The following MACF1 variants were observed in gnomAD, a reference collection of about 807,000 sequenced individuals.
MACF1 encodes microtubule actin crosslinking factor 1.
Under a neutral mutation model 854.8 loss-of-function variants are expected in MACF1, and 193 were observed. The ratio of observed to expected loss-of-function variants is 0.23; its 90% CI spans 0.20 to 0.25. The LOEUF is 0.25. MACF1 is among the 10% of genes least tolerant of loss of function. The probability of loss-of-function intolerance (pLI) is 1.00; values close to 1 mark genes in which losing one functional copy is unlikely to be tolerated. For missense variants in MACF1, 7,722 were observed against 8,929.1 expected, an observed-to-expected ratio of 0.86 and a Z score of 5.45; for synonymous variants, 3,185 against 3,226.7, an observed-to-expected ratio of 0.99 and a Z score of 0.44.
At chr1:39,114,207 C>CTTTTTTT (rs1642489965) in intron 2 of MACF1, among the ~76,000 whole-genome samples, 1 of 143,422 alleles carries the variant, frequency 7.0e-6, no homozygotes. Flanking sequence ...TTACAATTTT[C>CTTTTTTT]CACATTAATA....
At chr1:39,432,263 G>A (rs1269180321) in intron 66 of MACF1, among the ~76,000 whole-genome samples, 1 of 152,060 alleles carries the variant, frequency 6.6e-6, no homozygotes, top group Non-Finnish European at 1.5e-5. Flanking sequence ...CTGATTAGAG[G>A]CATCTTTCTT....
At chr1:39,325,679 A>G (rs1294010655) in intron 35 of MACF1, among the ~76,000 whole-genome samples, 1 of 152,148 alleles carries the variant, frequency 6.6e-6, no homozygotes, top group Non-Finnish European at 1.5e-5. Context: ...GGAAATTGGG[A>G]CCACCTTTTT....
chr1:39,244,858 C>T (rs942754057), intron 2 of MACF1, among the ~76,000 whole-genome samples: 6 of 152,096 alleles, frequency 3.9e-5, no homozygotes, highest in Admixed American at 1.3e-4. Context: ...GGATTACAGG[C>T]GTGAGCCACC....
At chr1:39,359,526 C>T (rs2148515003) in intron 47 of MACF1, among the ~76,000 whole-genome samples, 1 of 152,264 alleles carries the variant, frequency 6.6e-6, no homozygotes, top group Admixed American at 6.5e-5. Flanking sequence ...TTTTCTTTCC[C>T]AAGTAAACCA....
intron 2 of MACF1, among the ~76,000 whole-genome samples, chr1:39,190,348 T>C (rs1644235783): frequency 6.6e-6 from 1 of 150,586 alleles, no homozygotes; most frequent in South Asian, 2.1e-4. Context: ...TCTTGTCTTT[T>C]CTTTCTTTCT....
chr1:39,182,349 A>G (rs1181848730), intron 2 of MACF1, among the ~76,000 whole-genome samples: 1 of 152,116 alleles, frequency 6.6e-6, no homozygotes, highest in Non-Finnish European at 1.5e-5. Flanking sequence ...AAAGAAAAAA[A>G]TAGAGAAATT....
chr1:39,216,948 C>A (rs1050383720), intron 1 of MACF1, among the ~76,000 whole-genome samples: 1 of 152,290 alleles, frequency 6.6e-6, no homozygotes, highest in Admixed American at 6.5e-5. Context: ...ACTGTCTACA[C>A]GGGGTTCCTA....
intron 1 of MACF1, among the ~76,000 whole-genome samples, chr1:39,212,899 T>TATA (rs1644533200): frequency 1.3e-5 from 2 of 152,250 alleles, no homozygotes; most frequent in African/African-American, 4.8e-5. Context: ...GTGCTGGCAT[T>TATA]ATAGGCGTAA....
intron 15 of MACF1, 87 bp downstream of exon 15, chr1:39,287,649 C>G: frequency 3.6e-6 from 5 of 1,389,628 alleles, no homozygotes; most frequent in Non-Finnish European, 3.0e-6. Flanking sequence ...GCTTTGTGTT[C>G]CCTGTGCAGA....
intron 94 of MACF1, 96 bp downstream of exon 94, chr1:39,463,782 C>T (rs1348349183): frequency 9.3e-6 from 10 of 1,074,372 alleles, no homozygotes; most frequent in Non-Finnish European, 1.1e-5. Context: ...CAGAGCCCAT[C>T]GGACTTGAGA....
intron 6 of MACF1, among the ~76,000 whole-genome samples, chr1:39,268,086 T>A (rs1645254889): frequency 6.6e-6 from 1 of 152,228 alleles, no homozygotes; most frequent in Non-Finnish European, 1.5e-5. Flanking sequence ...TATTTCATTT[T>A]GTAGTTTGGG....
chr1:39,442,194 T>C lies in MACF1; in HGVS notation c.18822T>C (p.Leu6274=). The C allele has an allele frequency of 6.2e-7, 1 of 1,602,968 alleles. No homozygotes were observed. Among genetic ancestry groups the C allele is most frequent in the Non-Finnish European group, 8.5e-7 (1 of 1,176,528 alleles). The change falls in exon 76 of 101, where the codon CTT becomes CTC. Residue 6274 remains leucine, a synonymous_variant. Transcript: ENST00000564288. Reference sequence around the variant, plus strand: ...AACAGCAAATTGAGATGGAGAAGCTTAATCACCAGGGTGAACTGATGTTAA... The same window carrying C: ...AACAGCAAATTGAGATGGAGAAGCTCAATCACCAGGGTGAACTGATGTTAA... ...VYQQQIEMEK[L]NHQGELMLKK... is the part of the protein sequence containing the mutation.
At chr1:39,313,002 G>T (rs1039290382) in intron 26 of MACF1, among the ~76,000 whole-genome samples, 3 of 152,190 alleles carry the variant, frequency 2.0e-5, no homozygotes, top group Non-Finnish European at 4.4e-5. Flanking sequence ...GCATTTGGTT[G>T]CTGTGTATCT....
Position 39,387,544 on chromosome 1 carries a change from G to A in MACF1, c.14702G>A (p.Cys4901Tyr). ...GACAGACAATCCAGGCTCAAGGATT[G>A]TATGCAGAAAGCTCAGAAATATCAG... ...TADRQSRLKD[C>Y]MQKAQKYQWH... is the part of the protein sequence containing the mutation. Residue 4901 changes from cysteine to tyrosine, a missense_variant, in exon 58 of 101, where the codon TGT becomes TAT. Transcript: ENST00000564288. The A allele has an allele frequency of 1.9e-6, 3 of 1,614,140 alleles. No individual in the cohort carries two copies. Among genetic ancestry groups the A allele is most frequent in the Middle Eastern group, 1.6e-4 (1 of 6,062 alleles).
chr1:39,295,165 A>T lies in MACF1; in HGVS notation c.2259+15A>T. On this transcript the variant is annotated intron_variant, in intron 19 of 100. Coordinates refer to ENST00000564288, the MANE Select transcript of MACF1 (RefSeq NM_001394062.1). ...AGACAGTGGAGGTGTGTGACTTGAG[A>T]ATGTGTGAAGGTCAAATGCTGAGAG... The T allele has an allele frequency of 6.3e-7, 1 of 1,599,258 alleles. No individual in the cohort carries two copies.
intron 63 of MACF1, 73 bp from the exon 64 acceptor site, chr1:39,429,169 C>A (rs1032511592): frequency 6.7e-6 from 5 of 744,894 alleles, no homozygotes; most frequent in Admixed American, 4.7e-5. Flanking sequence ...TAAATTTGAT[C>A]TCTTAAAGGT....
intron 2 of MACF1, among the ~76,000 whole-genome samples, chr1:39,244,277 G>A (rs1644957660): frequency 6.6e-6 from 1 of 151,176 alleles, no homozygotes; most frequent in South Asian, 2.1e-4. Context: ...GCTAATTTTT[G>A]TATTTTTATT....
chr1:39,455,024 C>A lies in MACF1; in HGVS notation c.21002C>A (p.Thr7001Asn), dbSNP rs1570141876. ...GCATGGATCCAGTGGGCTGAGACCA[C>A]CCTCATTCAGCGGGATCAGGAGCCA... ...LLAWIQWAET[T>N]LIQRDQEPIP... Residue 7001 changes from threonine to asparagine, a missense_variant, in exon 89 of 101, where the codon ACC becomes AAC. Physicochemically the swap from Thr to Asn is moderately conservative, Grantham distance 65. Coordinates refer to ENST00000564288, the MANE Select transcript of MACF1 (RefSeq NM_001394062.1). 6.2e-7 allele frequency: 1 copy of A among 1,614,058 alleles called. No homozygotes were observed. Among genetic ancestry groups the A allele is most frequent in the Non-Finnish European group, 8.5e-7 (1 of 1,180,002 alleles).
At chr1:39,289,132 A>G (rs1645714760) in intron 15 of MACF1, among the ~76,000 whole-genome samples, 1 of 152,158 alleles carries the variant, frequency 6.6e-6, no homozygotes, top group Non-Finnish European at 1.5e-5. Flanking sequence ...TTCTTTCTCC[A>G]TTCATCTGTG....
Sources: allele counts gnomAD v4.1 joint callset (sites outside exome capture counted in the v4.1 genomes callset), GRCh38; gene constraint gnomAD v4.1.1; transcripts MANE v1.5; gene names NCBI Gene and HGNC (gene_info 2026-07-23, HGNC 2026-07-21).